Variants in NRG3 observed in about 807,000 individuals in gnomAD.
NRG3 encodes the protein neuregulin 3.
Under a neutral mutation model 66.9 loss-of-function variants are expected in NRG3, and 31 were observed. The observed-to-expected ratio is 0.46, with a 90% CI of 0.35 to 0.63. The LOEUF (loss-of-function observed/expected upper bound fraction) is 0.63. Ranked by LOEUF, NRG3 falls within the 20% of genes least tolerant of loss-of-function variation. The pLI is 0.00. For missense variants in NRG3, 910 were observed against 878.9 expected, an observed-to-expected ratio of 1.04 and a Z score of -0.45; for synonymous variants, 393 against 359.4, an observed-to-expected ratio of 1.09 and a Z score of -1.06.
intron 6 of NRG3, among the ~76,000 whole-genome samples, chr10:82,972,253 A>C (rs1410176962): frequency 6.6e-6 from 1 of 152,188 alleles, no homozygotes; most frequent in Non-Finnish European, 1.5e-5. Context: ...TTTGTTCATC[A>C]GTGTCTAAAA....
At chr10:81,879,154 TC>T (rs1439859866) in intron 1 of NRG3, among the ~76,000 whole-genome samples, 5 of 152,228 alleles carry the variant, frequency 3.3e-5, no homozygotes, top group Admixed American at 2.0e-4. Flanking sequence ...TCTTCAGCGT[TC>T]CTGGGATTCT....
chr10:82,124,212 T>C (rs532262541), intron 1 of NRG3, among the ~76,000 whole-genome samples: 1 of 152,132 alleles, frequency 6.6e-6, no homozygotes, highest in South Asian at 2.1e-4. Flanking sequence ...TTATGGAGAA[T>C]TGGCTTTCGA....
intron 1 of NRG3, among the ~76,000 whole-genome samples, chr10:82,035,407 G>A (rs573823041): frequency 6.6e-6 from 1 of 152,012 alleles, no homozygotes; most frequent in Admixed American, 6.6e-5. Context: ...TTCCTTCTGA[G>A]CATCTTTGGC....
intron 1 of NRG3, among the ~76,000 whole-genome samples, chr10:82,044,798 T>C (rs1029807801): frequency 5.3e-5 from 8 of 152,082 alleles, no homozygotes; most frequent in African/African-American, 1.9e-4. Context: ...CTCCCACCTA[T>C]GAGTGAGAAC....
chr10:82,807,773 C>T (rs1216578608), intron 3 of NRG3, among the ~76,000 whole-genome samples: 4 of 152,126 alleles, frequency 2.6e-5, no homozygotes, highest in Non-Finnish European at 5.9e-5. Context: ...TTCTTTTTCC[C>T]TTTTTCCCTG....
chr10:82,134,775 C>T (rs1296387117), intron 1 of NRG3, among the ~76,000 whole-genome samples: 1 of 151,750 alleles, frequency 6.6e-6, no homozygotes, highest in Non-Finnish European at 1.5e-5. Context: ...TTTTAAAATT[C>T]ATATAAAATT....
intron 1 of NRG3, among the ~76,000 whole-genome samples, chr10:82,003,171 T>C (rs1589746634): frequency 6.6e-6 from 1 of 152,286 alleles, no homozygotes; most frequent in Non-Finnish European, 1.5e-5. Flanking sequence ...TCTTGATTTA[T>C]GGGTAGGTGG....
intron 1 of NRG3, among the ~76,000 whole-genome samples, chr10:82,303,650 A>G (rs1464399546): frequency 6.6e-6 from 1 of 152,114 alleles, no homozygotes; most frequent in Non-Finnish European, 1.5e-5. Context: ...TGGGTGGATC[A>G]TGAGGTCAGG....
rs529201879 is a variant in NRG3, at chr10:82,129,200, A to G, written c.824-229539A>G. On this transcript the variant is annotated intron_variant, in intron 1 of 8. Transcript: ENST00000372141. ...AGTGCTGGGATTACAGGCATAAGCC[A>G]CTGCGCCAGGGCAGTGCTCTAAATT... 3.2e-4 allele frequency among the ~76,000 whole-genome samples: 48 copies of G among 150,784 alleles called. 2 individuals are homozygous for G. The highest frequency in any genetic ancestry group is 2.7e-3 in the Admixed American group (41 of 15,098).
intron 6 of NRG3, among the ~76,000 whole-genome samples, chr10:82,967,976 CAG>C (rs1158365942): frequency 6.6e-6 from 1 of 152,202 alleles, no homozygotes; most frequent in Non-Finnish European, 1.5e-5. Flanking sequence ...ATGGTTCCAG[CAG>C]ATTCAGTTGC....
chr10:82,440,762 C>T (rs2090395760), intron 2 of NRG3, among the ~76,000 whole-genome samples: 1 of 152,060 alleles, frequency 6.6e-6, no homozygotes, highest in Admixed American at 6.6e-5. Context: ...AAATCATCTG[C>T]TAAACACTTA....
chr10:82,377,435 CGTGTGT>C (rs200662785), intron 2 of NRG3, among the ~76,000 whole-genome samples: 1,681 of 132,328 alleles, frequency 0.013, 22 homozygotes, highest in African/African-American at 0.04. Flanking sequence ...TGTGTGTGCG[CGTGTGT>C]GTGTGTGTGT....
intron 2 of NRG3, among the ~76,000 whole-genome samples, chr10:82,511,764 C>A (rs2132448614): frequency 6.6e-6 from 1 of 151,472 alleles, no homozygotes; most frequent in South Asian, 2.1e-4. Context: ...CTGTAGTGAA[C>A]AAGGGAAAGG....
intron 2 of NRG3, among the ~76,000 whole-genome samples, chr10:82,715,782 C>A (rs1196617425): frequency 1.3e-5 from 2 of 152,042 alleles, no homozygotes; most frequent in Non-Finnish European, 2.9e-5. Flanking sequence ...GTCTTATAAA[C>A]AACAGATTTT....
intron 2 of NRG3, among the ~76,000 whole-genome samples, chr10:82,543,868 G>C (rs1489320094): frequency 6.6e-6 from 1 of 152,162 alleles, no homozygotes; most frequent in Non-Finnish European, 1.5e-5. Context: ...AGGGGGATAA[G>C]CTTCAGTCAG....
intron 2 of NRG3, among the ~76,000 whole-genome samples, chr10:82,669,735 T>C (rs962612483): frequency 1.3e-5 from 2 of 152,050 alleles, no homozygotes; most frequent in African/African-American, 4.8e-5. Context: ...GAGAGCATCC[T>C]GGCTAACACG....
At position 82,482,123 on chromosome 10, in the gene NRG3, T is replaced by G. The variant is rs137965802; in HGVS notation, c.953+123255T>G. Among the ~76,000 whole-genome samples the G allele has an allele frequency of 4.6e-3, 706 of 152,290 alleles. 3 individuals are homozygous for G. Among genetic ancestry groups the G allele is most frequent in the Non-Finnish European group, 5.4e-3 (370 of 68,032 alleles). Reference sequence around the variant, plus strand: ...TATACAAATAGGAAATATTAGGGATTATACGTGTAGAATTAGATGTGCTCT... The same window carrying G: ...TATACAAATAGGAAATATTAGGGATGATACGTGTAGAATTAGATGTGCTCT... On this transcript the variant is annotated intron_variant, in intron 2 of 8. Transcript: ENST00000372141.
intron 1 of NRG3, among the ~76,000 whole-genome samples, chr10:82,030,102 T>C (rs2062495036): frequency 6.6e-6 from 1 of 152,088 alleles, no homozygotes; most frequent in Admixed American, 6.6e-5. Context: ...TTTTTGTGAT[T>C]AGAAGAGGAT....
At chr10:82,725,547 T>C (rs954448449) in intron 2 of NRG3, among the ~76,000 whole-genome samples, 1 of 152,302 alleles carries the variant, frequency 6.6e-6, no homozygotes, top group African/African-American at 2.4e-5. Flanking sequence ...AAAAATTGTA[T>C]ACATTAAACT....
Sources: allele counts gnomAD v4.1 joint callset (sites outside exome capture counted in the v4.1 genomes callset), GRCh38; gene constraint gnomAD v4.1.1; transcripts MANE v1.5; gene names NCBI Gene and HGNC (gene_info 2026-07-23, HGNC 2026-07-21).